FAM13C: variants seen among roughly 807,000 people sequenced by gnomAD.
FAM13C encodes family with sequence similarity 13 member C, also known as protein FAM13C.
FAM13C carries 37 observed loss-of-function variants against 73.2 expected under a neutral mutation model. The ratio of observed to expected loss-of-function variants is 0.51; its 90% CI spans 0.39 to 0.67. The LOEUF (loss-of-function observed/expected upper bound fraction) is 0.67, where lower values mean the gene tolerates loss of function less well. Ranked by LOEUF, FAM13C falls within the 30% of genes least tolerant of loss-of-function variation. The pLI, the probability that FAM13C is intolerant of heterozygous loss-of-function variation, is 0.00. For missense variants in FAM13C, 589 were observed against 715.6 expected, an observed-to-expected ratio of 0.82 and a Z score of 2.02; for synonymous variants, 246 against 260.9, an observed-to-expected ratio of 0.94 and a Z score of 0.55.
In FAM13C at chr10:59,280,833, T is replaced by A. The variant is rs148680003; in HGVS notation, c.592+2530A>T. 1.2e-3 allele frequency among the ~76,000 whole-genome samples: 176 copies of A among 152,320 alleles called. 1 individual carries two copies. The highest frequency in any genetic ancestry group is 3.9e-3 in the African/African-American group (163 of 41,580). On this transcript the variant is annotated intron_variant, in intron 6 of 13. Transcript: ENST00000618804. Reference sequence around the variant, plus strand: ...GATCTTGGCAACCCATAAACCCAAGTTAAAGCCAATCAAGTCTATAGTGAA... The same window carrying A: ...GATCTTGGCAACCCATAAACCCAAGATAAAGCCAATCAAGTCTATAGTGAA...
At chr10:59,310,746 A>G (rs1249100436) in intron 4 of FAM13C, among the ~76,000 whole-genome samples, 2 of 152,204 alleles carry the variant, frequency 1.3e-5, no homozygotes, top group African/African-American at 2.4e-5. Context: ...CCCCAATGGT[A>G]TACCCTCCCA....
chr10:59,251,546 G>T, intron 13 of FAM13C, 29 bp downstream of exon 13: 1 of 1,585,344 alleles, frequency 6.3e-7, no homozygotes, highest in Non-Finnish European at 8.7e-7. Flanking sequence ...GGAAGTATTA[G>T]CTTTAAAAAT....
At chr10:59,361,077 C>A (rs1385108477) in intron 1 of FAM13C, 1 of 1,289,294 alleles carries the variant, frequency 7.8e-7, no homozygotes, top group Admixed American at 2.3e-5. Context: ...TGCAGATGCA[C>A]ACTTTGGCAC....
intron 3 of FAM13C, among the ~76,000 whole-genome samples, chr10:59,343,216 G>T (rs1853748285): frequency 6.6e-6 from 1 of 152,146 alleles, no homozygotes; most frequent in Non-Finnish European, 1.5e-5. Context: ...CTACTTCTTT[G>T]TTCCCTATCA....
chr10:59,246,193 T>C lies in FAM13C; in HGVS notation c.*1421A>G, dbSNP rs1840692816. 6.5e-6 allele frequency: 1 copy of C among 153,010 alleles called. No homozygotes were observed. Among genetic ancestry groups the C allele is most frequent in the Middle Eastern group, 3.1e-3 (1 of 318 alleles). 9.5% of individuals were successfully genotyped at this position (153,010 alleles called of 1,614,324 possible). On this transcript the variant is annotated 3_prime_UTR_variant, in exon 14 of 14. Transcript: ENST00000618804. Reference sequence around the variant, plus strand: ...AAAATATTTACAATCATATAGAATATATAGAGTTACATTTTAATAGCAACT... The same window carrying C: ...AAAATATTTACAATCATATAGAATACATAGAGTTACATTTTAATAGCAACT...
intron 3 of FAM13C, among the ~76,000 whole-genome samples, chr10:59,330,894 A>C (rs1165571368): frequency 1.3e-5 from 2 of 152,148 alleles, no homozygotes; most frequent in Non-Finnish European, 2.9e-5. Context: ...CTGAGCCCCG[A>C]AATACACCTA....
chr10:59,278,829 C>CACAT lies in FAM13C; in HGVS notation c.592+4530_592+4533dup, dbSNP rs964982373. 4.3e-5 allele frequency among the ~76,000 whole-genome samples: 6 copies of CACAT among 139,542 alleles called. No individual in the cohort carries two copies. The South Asian group carries it at 1.4e-3, about 33-fold the overall frequency. The allele number at this position is 139,542 out of a possible 152,430, so 91.5% of individuals were successfully genotyped here. ...GCTTTAGAAGTCTCGATGTCACATA[C>CACAT]ACATACACACACACACACACACACA... On this transcript the variant is annotated intron_variant, in intron 6 of 13. Transcript: ENST00000618804.
chr10:59,296,314 C>T (rs998438164), intron 5 of FAM13C, among the ~76,000 whole-genome samples: 5 of 152,034 alleles, frequency 3.3e-5, no homozygotes, highest in African/African-American at 7.2e-5. Context: ...ACATGCATAC[C>T]GACTCAAAGA....
intron 6 of FAM13C, among the ~76,000 whole-genome samples, chr10:59,276,905 C>T (rs984644551): frequency 6.6e-6 from 1 of 152,168 alleles, no homozygotes; most frequent in Non-Finnish European, 1.5e-5. Flanking sequence ...AGATTAATGT[C>T]TGTCTTTATG....
At chr10:59,287,584 G>T (rs1845751859) in intron 5 of FAM13C, among the ~76,000 whole-genome samples, 1 of 152,018 alleles carries the variant, frequency 6.6e-6, no homozygotes, top group African/African-American at 2.4e-5. Context: ...AGAACGAGAG[G>T]GAATGTCAGC....
chr10:59,249,475 A>G (rs1297536120), intron 13 of FAM13C, among the ~76,000 whole-genome samples: 2 of 151,936 alleles, frequency 1.3e-5, no homozygotes, highest in Non-Finnish European at 2.9e-5. Context: ...TCTTTCCTGA[A>G]GGAGTTTCTC....
intron 3 of FAM13C, among the ~76,000 whole-genome samples, chr10:59,348,527 T>C (rs1854606641): frequency 6.6e-6 from 1 of 152,248 alleles, no homozygotes; most frequent in African/African-American, 2.4e-5. Flanking sequence ...TGTTGACTTA[T>C]CCACAGTTAT....
At chr10:59,263,794 A>G (rs1247142411) in intron 9 of FAM13C, 3 of 369,374 alleles carry the variant, frequency 8.1e-6, no homozygotes, top group African/African-American at 6.2e-5. Flanking sequence ...CCAACAATCC[A>G]ATAACCTAGG....
intron 3 of FAM13C, among the ~76,000 whole-genome samples, chr10:59,338,639 T>A (rs549378760): frequency 3.5e-4 from 53 of 152,286 alleles, no homozygotes; most frequent in African/African-American, 1.3e-3. Flanking sequence ...AACTACTAAA[T>A]CTAAATGACT....
At chr10:59,354,866 G>T (rs1855513184) in intron 2 of FAM13C, among the ~76,000 whole-genome samples, 1 of 151,836 alleles carries the variant, frequency 6.6e-6, no homozygotes. Flanking sequence ...CAGGTTCCCA[G>T]GGTTCCTACC....
intron 6 of FAM13C, among the ~76,000 whole-genome samples, chr10:59,278,727 T>A (rs566118177): frequency 6.6e-6 from 1 of 152,160 alleles, no homozygotes; most frequent in African/African-American, 2.4e-5. Context: ...AATGAAGTAC[T>A]ACTTTCCATA....
At chr10:59,286,289 C>T (rs547772023) in intron 5 of FAM13C, among the ~76,000 whole-genome samples, 8 of 151,574 alleles carry the variant, frequency 5.3e-5, no homozygotes, top group African/African-American at 9.7e-5. Flanking sequence ...CTGAGACAGG[C>T]GGATCACTTG....
intron 5 of FAM13C, among the ~76,000 whole-genome samples, chr10:59,288,993 T>C (rs1276949969): frequency 6.6e-6 from 1 of 151,812 alleles, no homozygotes; most frequent in Non-Finnish European, 1.5e-5. Flanking sequence ...GATTTGTCTA[T>C]GAGTAATCTA....
At chr10:59,248,151 A>G (rs1840905183) in intron 13 of FAM13C, among the ~76,000 whole-genome samples, 1 of 152,210 alleles carries the variant, frequency 6.6e-6, no homozygotes, top group Non-Finnish European at 1.5e-5. Flanking sequence ...TAACCTGAAA[A>G]TACTACAGGA....
Sources: gnomAD v4.1 joint callset for allele counts (sites outside exome capture counted in the v4.1 genomes callset) on GRCh38, gnomAD v4.1.1 for gene constraint, MANE v1.5 for transcripts, NCBI Gene and HGNC (gene_info 2026-07-23, HGNC 2026-07-21) for gene names.